Variants in C5 observed in about 807,000 individuals in gnomAD.
C5 encodes the protein C3 and PZP-like alpha-2-macroglobulin domain-containing protein 4.
C5 carries 140 observed loss-of-function variants against 218.8 expected under a neutral mutation model. The observed-to-expected ratio is 0.64, with a 90% CI of 0.56 to 0.74. The LOEUF (loss-of-function observed/expected upper bound fraction) is 0.74, where lower values mean the gene tolerates loss of function less well. Ranked by LOEUF, C5 falls within the 30% of genes least tolerant of loss-of-function variation. The pLI is 0.00. For missense variants in C5, 1,700 were observed against 1,969.6 expected, an observed-to-expected ratio of 0.86 and a Z score of 2.59; for synonymous variants, 614 against 682.3, an observed-to-expected ratio of 0.90 and a Z score of 1.56.
At chr9:120,966,986 G>T (rs978973766) in intron 33 of C5, among the ~76,000 whole-genome samples, 4 of 152,022 alleles carry the variant, frequency 2.6e-5, no homozygotes, top group African/African-American at 9.7e-5. Context: ...TAGGCTGAGC[G>T]TGGTGGCTCA....
intron 7 of C5, among the ~76,000 whole-genome samples, chr9:121,029,374 T>C (rs2047453931): frequency 1.3e-5 from 2 of 152,230 alleles, no homozygotes; most frequent in South Asian, 4.1e-4. Flanking sequence ...TGCAACTTAC[T>C]AGCTGTATGA....
intron 4 of C5, among the ~76,000 whole-genome samples, chr9:121,035,683 C>A (rs1370666163): frequency 6.6e-6 from 1 of 151,382 alleles, no homozygotes; most frequent in African/African-American, 2.4e-5. Context: ...AATCCTCCCA[C>A]CTCAGCCTCC....
intron 20 of C5, among the ~76,000 whole-genome samples, chr9:121,003,694 T>C (rs2047191182): frequency 6.6e-6 from 1 of 152,288 alleles, no homozygotes; most frequent in Non-Finnish European, 1.5e-5. Flanking sequence ...AAATTGACAA[T>C]ATTTTTATTT....
At chr9:120,997,480 C>A in intron 21 of C5, 67 bp downstream of exon 21, 1 of 1,133,648 alleles carries the variant, frequency 8.8e-7, no homozygotes, top group Non-Finnish European at 1.3e-6. Flanking sequence ...TGTTTCTCTC[C>A]CCCCCCTTTC....
At chr9:121,025,178 T>G (rs1395795038) in intron 9 of C5, among the ~76,000 whole-genome samples, 2 of 152,310 alleles carry the variant, frequency 1.3e-5, no homozygotes, top group East Asian at 1.9e-4. Context: ...CAGAACTACT[T>G]TGGACATGAA....
In C5 at chr9:120,996,302, T is replaced by C. The variant is rs779958367; in HGVS notation, c.2791-2A>G. ...GCTTTCCCTTTTGACACCTTCTGGCTAAAATAAAGGCAGAAAACATTCAGT... is the reference window on the plus strand; with the variant it reads ...GCTTTCCCTTTTGACACCTTCTGGCCAAAATAAAGGCAGAAAACATTCAGT... On this transcript the variant is annotated splice_acceptor_variant, in intron 21 of 40. Coordinates refer to ENST00000223642, the MANE Select transcript of C5 (RefSeq NM_001735.3). LOFTEE classifies it high-confidence loss of function. 3 of 1,611,458 alleles carry C rather than the reference T, an allele frequency of 1.9e-6. No individual in the cohort carries two copies. Among genetic ancestry groups the C allele is most frequent in the East Asian group, 2.2e-5 (1 of 44,814 alleles).
intron 4 of C5, among the ~76,000 whole-genome samples, chr9:121,037,396 C>T (rs1346604289): frequency 6.6e-6 from 1 of 151,028 alleles, no homozygotes; most frequent in Admixed American, 6.6e-5. Flanking sequence ...TCACTGCAAG[C>T]TCTGCCTCCC....
intron 25 of C5, among the ~76,000 whole-genome samples, chr9:120,986,889 G>T (rs552227297): frequency 1.3e-5 from 2 of 152,254 alleles, no homozygotes; most frequent in Non-Finnish European, 2.9e-5. Context: ...TTATAGGTGT[G>T]AGCCACTGTA....
chr9:121,070,156 G>A, the C5 span, among the ~76,000 whole-genome samples: 6 of 151,868 alleles, frequency 4.0e-5, no homozygotes, highest in East Asian at 1.9e-4. Context: ...TCAGGAGTTC[G>A]AGACTAGCCT....
intron 3 of C5, among the ~76,000 whole-genome samples, chr9:121,040,975 G>C (rs1476255692): frequency 7.5e-6 from 1 of 133,224 alleles, no homozygotes; most frequent in African/African-American, 2.8e-5. Context: ...TTTTGAGACA[G>C]TCTTGCTCTG....
the C5 span, among the ~76,000 whole-genome samples, chr9:121,066,834 G>A: frequency 7.5e-5 from 10 of 132,798 alleles, no homozygotes; most frequent in South Asian, 7.6e-4. Context: ...AGCCTTGGGC[G>A]ACAGAACAAG....
rs573678640 is a variant in C5 at position 120,955,003 on chromosome 9, AAG to A, written c.4763-1137_4763-1136del. ...CATGGAAAATTTAAAGTATATTCAG[AAG>A]AGAGAACAGGCAACTACCCTGGGCT... On this transcript the variant is annotated intron_variant, in intron 39 of 40. Transcript: ENST00000223642. Among the ~76,000 whole-genome samples, 1,086 of 152,272 alleles carry A rather than the reference AAG, an allele frequency of 7.1e-3. 17 individuals are homozygous for A. The highest frequency in any genetic ancestry group is 0.024 in the African/African-American group (1,014 of 41,544).
chr9:121,070,509 ATACATACATACT>A, the C5 span, among the ~76,000 whole-genome samples: 1 of 150,298 alleles, frequency 6.7e-6, no homozygotes, highest in Non-Finnish European at 1.5e-5. Context: ...TCATATATAT[ATACATACATACT>A]TACAATGGAA....
chr9:121,050,387 G>T, upstream of C5: 1 of 742,570 alleles, frequency 1.3e-6, no homozygotes, highest in Non-Finnish European at 2.4e-6. Flanking sequence ...AACTAGAATT[G>T]GAACTAAAAC....
chr9:120,992,616 AG>A (rs1202910982), intron 22 of C5, among the ~76,000 whole-genome samples: 1 of 152,218 alleles, frequency 6.6e-6, no homozygotes, highest in African/African-American at 2.4e-5. Context: ...CTCTACTACC[AG>A]GTGGAAAAGG....
rs754967269 is a variant in C5 at position 120,961,618 on chromosome 9, A to T, written c.4505-53T>A. 3.7e-5 allele frequency: 41 copies of T among 1,117,754 alleles called. No individual in the cohort carries two copies. The Middle Eastern group carries it at 5.9e-4, about 16-fold the overall frequency. 69.2% of individuals were successfully genotyped at this position (1,117,754 alleles called of 1,614,324 possible). On this transcript the variant is annotated intron_variant, in intron 36 of 40. Transcript: ENST00000223642. ...AAGTGGTTTGATTGAAGAACAACACATTTACTAATTGGCAAGTGTCTTACA... is the reference window on the plus strand; with the variant it reads ...AAGTGGTTTGATTGAAGAACAACACTTTTACTAATTGGCAAGTGTCTTACA...
chr9:120,957,469 G>A (rs1173164801), intron 38 of C5, 101 bp from the exon 39 acceptor site: 34 of 845,958 alleles, frequency 4.0e-5, no homozygotes, highest in Non-Finnish European at 6.6e-5. Flanking sequence ...ATGAAGCATG[G>A]CAAACTATTA....
At chr9:120,963,528 G>C in intron 34 of C5, 108 bp downstream of exon 34, 2 of 822,124 alleles carry the variant, frequency 2.4e-6, no homozygotes, top group Non-Finnish European at 4.0e-6. Context: ...TATTCTGGGT[G>C]ATTCTATAAA....
rs777301249 is a variant in C5 at position 120,962,901 on chromosome 9, G to A, written c.4390C>T (p.Leu1464=). ...TTGCAGGTGGAGCTTACCGAATTCA[G>A]TTGCAGAATAACATGTCCATCTTTG... ...QIKDGHVILQ[L]NSIPSSDFLC... The change falls in exon 35 of 41, where the codon CTG becomes TTG. Residue 1464 remains leucine, a synonymous_variant. Coordinates refer to ENST00000223642, the MANE Select transcript of C5 (RefSeq NM_001735.3). The A allele has an allele frequency of 6.2e-7, 1 of 1,613,912 alleles. No homozygotes were observed. Among genetic ancestry groups the A allele is most frequent in the South Asian group, 1.1e-5 (1 of 91,084 alleles).
Sources: gnomAD v4.1 joint callset for allele counts (sites outside exome capture counted in the v4.1 genomes callset) on GRCh38, gnomAD v4.1.1 for gene constraint, MANE v1.5 for transcripts, NCBI Gene and HGNC (gene_info 2026-07-23, HGNC 2026-07-21) for gene names.